Variants in ACAT2 observed in about 807,000 individuals in gnomAD.
ACAT2 encodes the protein acetyl-CoA acetyltransferase 2.
A neutral mutation model predicts 37.1 loss-of-function variants in ACAT2; 26 were observed. The ratio of observed to expected loss-of-function variants is 0.70; its 90% CI spans 0.51 to 0.97. ACAT2 has a LOEUF of 0.97. Ranked by LOEUF, ACAT2 falls within the 50% of genes least tolerant of loss-of-function variation. The pLI, the probability that ACAT2 is intolerant of heterozygous loss-of-function variation, is 0.00. For synonymous variants in ACAT2, 156 were observed against 163.6 expected, an observed-to-expected ratio of 0.95 and a Z score of 0.35; for missense variants, 468 against 489.0, an observed-to-expected ratio of 0.96 and a Z score of 0.40.
At chr6:159,776,413 A>G (rs1466231159) in intron 6 of ACAT2, 141 bp downstream of exon 6, 1 of 1,089,338 alleles carries the variant, frequency 9.2e-7, no homozygotes, top group Non-Finnish European at 1.3e-6. Flanking sequence ...GTGTGCAGCA[A>G]TATGATCATT....
In ACAT2 at chr6:159,762,633, G is replaced by A. The variant is rs769009955; in HGVS notation, c.56-286G>A. On this transcript the variant is annotated intron_variant, in intron 1 of 8. Transcript: ENST00000367048. ...TGACCCGCCGGTTCCTTTTGTTTGGGAAGCATGGGGTCGCATCCAGTCCTT... is the reference window on the plus strand; with the variant it reads ...TGACCCGCCGGTTCCTTTTGTTTGGAAAGCATGGGGTCGCATCCAGTCCTT... The A allele has an allele frequency of 8.4e-6, 12 of 1,426,962 alleles. No individual in the cohort carries two copies. In the South Asian group the frequency reaches 1.5e-4, roughly 17 times the overall value. The allele number at this position is 1,426,962 out of a possible 1,614,324, so 88.4% of individuals were successfully genotyped here.
intron 7 of ACAT2, among the ~76,000 whole-genome samples, chr6:159,777,857 T>A (rs1780454928): frequency 6.6e-6 from 1 of 152,174 alleles, no homozygotes; most frequent in Non-Finnish European, 1.5e-5. Context: ...CTGAGAGCAT[T>A]TGGATCACAT....
At position 159,775,216 on chromosome 6, in the gene ACAT2, C is replaced by T; in HGVS notation, c.537C>T (p.Asp179=). 6.2e-7 allele frequency: 1 copy of T among 1,614,112 alleles called. No homozygotes were observed. Among genetic ancestry groups the T allele is most frequent in the Non-Finnish European group, 8.5e-7 (1 of 1,180,016 alleles). Reference sequence around the variant, plus strand: ...GGCAAGTGAGTAGAGAAGATCAGGACAAGGTTGCAGTTCTGTCCCAGAACA... The same window carrying T: ...GGCAAGTGAGTAGAGAAGATCAGGATAAGGTTGCAGTTCTGTCCCAGAACA... The part of the protein sequence containing the change: ...KKWQVSREDQ[D]KVAVLSQNRT... The change falls in exon 5 of 9, where the codon GAC becomes GAT. Residue 179 remains aspartate, a synonymous_variant. Transcript: ENST00000367048.
chr6:159,776,339 T>C, intron 6 of ACAT2, 67 bp downstream of exon 6: 1 of 1,531,438 alleles, frequency 6.5e-7, no homozygotes, highest in Non-Finnish European at 8.7e-7. Context: ...TGAATATTTT[T>C]CTCTTTATTT....
chr6:159,765,466 T>A lies in ACAT2; in HGVS notation c.191-1539T>A, dbSNP rs1780239572. Among the ~76,000 whole-genome samples the A allele has an allele frequency of 2.0e-5, 3 of 151,886 alleles. No individual in the cohort carries two copies. The South Asian group carries it at 6.3e-4, about 32-fold the overall frequency. ...TTTTTTGAGATGGAGTCTCACTCTG[T>A]CGCCCAGGCTGGTGGAGTGCAGCCG... On this transcript the variant is annotated intron_variant, in intron 2 of 8. Transcript: ENST00000367048.
Position 159,777,418 on chromosome 6 carries a change from A to G in ACAT2, c.874A>G (p.Ile292Val), listed in dbSNP as rs774247391. Residue 292 changes from isoleucine (I) to valine (V), a missense_variant, in exon 7 of 9, where the codon ATT (isoleucine) becomes GTT (valine). Physicochemically the swap from Ile to Val is conservative, Grantham distance 29. Transcript: ENST00000367048. ...SWSQVGVEPS[I>V]MGIGPIPAIK... is the part of the protein sequence containing the mutation. ...GTCCCAAGTGGGTGTGGAGCCTTCC[A>G]TTATGGGAATAGGACCAATTCCAGC... is the stretch of plus-strand genomic sequence containing the variant. 3.7e-6 allele frequency: 6 copies of G among 1,614,164 alleles called. No homozygotes were observed. In the Admixed American group the frequency reaches 8.3e-5, roughly 22 times the overall value.
chr6:159,775,894 C>T, intron 5 of ACAT2: 1 of 377,626 alleles, frequency 2.6e-6, no homozygotes, highest in South Asian at 3.0e-5. Context: ...ACAAACAGGT[C>T]CCTGGTAGCT....
At chr6:159,764,308 G>C (rs1780218959) in intron 2 of ACAT2, among the ~76,000 whole-genome samples, 2 of 152,112 alleles carry the variant, frequency 1.3e-5, no homozygotes, top group Non-Finnish European at 2.9e-5. Flanking sequence ...TTCTGAGCTT[G>C]GAAAATAGGT....
At chr6:159,763,274 C>G (rs1240985887) in intron 2 of ACAT2, among the ~76,000 whole-genome samples, 2 of 152,172 alleles carry the variant, frequency 1.3e-5, no homozygotes, top group African/African-American at 4.8e-5. Flanking sequence ...GCTTCTTGGC[C>G]AGGCAGGGTG....
chr6:159,775,374 GAGTAAT>G lies in ACAT2; in HGVS notation c.634+63_634+68del. On this transcript the variant is annotated intron_variant, in intron 5 of 8. Transcript: ENST00000367048. ...TTATAGGTAAGAGTAACATCTAAAA[GAGTAAT>G]ACATAGGAATCTTTAGAAATTATAT... 1.3e-5 allele frequency: 20 copies of G among 1,548,994 alleles called. No individual in the cohort carries two copies. The South Asian group carries it at 2.2e-4, about 17-fold the overall frequency.
intron 4 of ACAT2, among the ~76,000 whole-genome samples, chr6:159,769,199 T>C (rs1046183463): frequency 2.6e-5 from 4 of 151,982 alleles, no homozygotes; most frequent in Non-Finnish European, 5.9e-5. Context: ...AAAAAGGTAA[T>C]GGGGAAAAGT....
At chr6:159,771,082 A>AAATTAAATTT (rs1172313998) in intron 4 of ACAT2, among the ~76,000 whole-genome samples, 40 of 151,768 alleles carry the variant, frequency 2.6e-4, no homozygotes, top group Non-Finnish European at 5.0e-4. Context: ...AAATTAAATT[A>AAATTAAATTT]AATTAAATTA....
At position 159,769,425 on chromosome 6, in the gene ACAT2, G is replaced by A. The variant is rs756350079; in HGVS notation, c.490+797G>A. On this transcript the variant is annotated intron_variant, in intron 4 of 8. Coordinates refer to ENST00000367048, the MANE Select transcript of ACAT2 (RefSeq NM_005891.3). ...GGTGGTCATTAAAAATTCAGATCCC[G>A]AGCCCTTTCCAAGGTGTACTGTGGA... Among the ~76,000 whole-genome samples, 5 of 152,116 alleles carry A rather than the reference G, an allele frequency of 3.3e-5. No individual in the cohort carries two copies. The South Asian group carries it at 6.2e-4, about 19-fold the overall frequency.
At chr6:159,762,655 C>T (rs1780168793) in intron 1 of ACAT2, 3 of 1,456,864 alleles carry the variant, frequency 2.1e-6, no homozygotes, top group Non-Finnish European at 2.7e-6. Context: ...CGCATCCAGT[C>T]CTTCGGATTT....
At chr6:159,766,926 G>A (rs377721640) in intron 2 of ACAT2, 79 bp from the exon 3 acceptor site, 24 of 1,566,814 alleles carry the variant, frequency 1.5e-5, no homozygotes, top group Non-Finnish European at 2.1e-5. Flanking sequence ...AACCCAACTG[G>A]CAATTTTCCA....
rs181219485 is a variant in ACAT2, at chr6:159,763,506, C to T, written c.190+453C>T. 6.6e-5 allele frequency among the ~76,000 whole-genome samples: 10 copies of T among 152,054 alleles called. No homozygotes were observed. The East Asian group carries it at 1.2e-3, about 18-fold the overall frequency. On this transcript the variant is annotated intron_variant, in intron 2 of 8. Transcript: ENST00000367048. ...CTGCAGTGATTGTGTCACTGCACTC[C>T]GTCATGGGTGACAGAGTGAGACCCC...
At chr6:159,767,954 A>G (rs887534319) in intron 3 of ACAT2, among the ~76,000 whole-genome samples, 1 of 152,242 alleles carries the variant, frequency 6.6e-6, no homozygotes, top group African/African-American at 2.4e-5. Flanking sequence ...GTTTACAGGT[A>G]AGGAAACTGA....
intron 4 of ACAT2, among the ~76,000 whole-genome samples, chr6:159,771,636 G>A (rs1220340145): frequency 6.7e-6 from 1 of 150,090 alleles, no homozygotes; most frequent in Non-Finnish European, 1.5e-5. Flanking sequence ...GGGCAACAGA[G>A]TGAGACTCTG....
chr6:159,762,423 G>C, intron 1 of ACAT2: 3 of 1,370,926 alleles, frequency 2.2e-6, no homozygotes, highest in South Asian at 1.5e-5. Flanking sequence ...ATTGGTTGGC[G>C]TAGGGAGGTG....
Sources: gnomAD v4.1 joint callset for allele counts (sites outside exome capture counted in the v4.1 genomes callset) on GRCh38, gnomAD v4.1.1 for gene constraint, MANE v1.5 for transcripts, NCBI Gene and HGNC (gene_info 2026-07-23, HGNC 2026-07-21) for gene names.